PARD3B: variants seen among roughly 807,000 people sequenced by gnomAD.
The protein encoded by PARD3B is partitioning defective 3 homolog B.
PARD3B carries 103 observed loss-of-function variants against 130.2 expected under a neutral mutation model. That is an observed-to-expected ratio of 0.79 (90% CI 0.67 to 0.93). The LOEUF (loss-of-function observed/expected upper bound fraction) is 0.93. PARD3B is among the 40% of genes least tolerant of loss of function. The probability of loss-of-function intolerance (pLI) is 0.00; values close to 1 mark genes in which losing one functional copy is unlikely to be tolerated. For synonymous variants in PARD3B, 583 were observed against 553.2 expected, an observed-to-expected ratio of 1.05 and a Z score of -0.76; for missense variants, 1,609 against 1,499.2, an observed-to-expected ratio of 1.07 and a Z score of -1.21.
At chr2:205,419,156 G>A in intron 19 of PARD3B, among the ~76,000 whole-genome samples, 1 of 152,056 alleles carries the variant, frequency 6.6e-6, no homozygotes, top group Non-Finnish European at 1.5e-5. Context: ...GTCATGGGAG[G>A]GACCCAGTGG....
chr2:205,486,055 G>A (rs989806478), intron 20 of PARD3B, among the ~76,000 whole-genome samples: 10 of 152,200 alleles, frequency 6.6e-5, no homozygotes, highest in African/African-American at 2.2e-4. Context: ...TAAGGCCACA[G>A]CAATATTTAT....
chr2:205,389,588 C>T (rs1322096577), intron 18 of PARD3B, among the ~76,000 whole-genome samples: 1 of 152,178 alleles, frequency 6.6e-6, no homozygotes, highest in Non-Finnish European at 1.5e-5. Flanking sequence ...GTCTTGAACT[C>T]CCGCCTCGGC....
At chr2:204,922,954 A>G (rs902468943) in intron 2 of PARD3B, among the ~76,000 whole-genome samples, 9 of 152,112 alleles carry the variant, frequency 5.9e-5, no homozygotes, top group African/African-American at 1.9e-4. Context: ...TTCCAAAACT[A>G]TGGTGCATAT....
At chr2:205,199,453 CTG>C (rs963469796) in intron 15 of PARD3B, among the ~76,000 whole-genome samples, 10 of 151,882 alleles carry the variant, frequency 6.6e-5, no homozygotes, top group East Asian at 5.8e-4. Context: ...TACATTTTTA[CTG>C]TGTGTGTATA....
chr2:205,147,131 G>T (rs575199343), intron 10 of PARD3B, among the ~76,000 whole-genome samples: 3 of 152,084 alleles, frequency 2.0e-5, no homozygotes, highest in African/African-American at 7.2e-5. Context: ...AAAACAAAAC[G>T]TCCTATTGTT....
intron 20 of PARD3B, among the ~76,000 whole-genome samples, chr2:205,462,946 G>A (rs1386237711): frequency 6.6e-6 from 1 of 152,082 alleles, no homozygotes; most frequent in Non-Finnish European, 1.5e-5. Flanking sequence ...GAACAATTCT[G>A]TACCCAGTTT....
chr2:205,221,544 T>C (rs2038238291), intron 15 of PARD3B, among the ~76,000 whole-genome samples: 1 of 152,268 alleles, frequency 6.6e-6, no homozygotes, highest in Non-Finnish European at 1.5e-5. Context: ...GGGTGCTCCA[T>C]GCTGTTTATG....
At chr2:205,167,748 C>T (rs1231139084) in intron 11 of PARD3B, among the ~76,000 whole-genome samples, 1 of 152,152 alleles carries the variant, frequency 6.6e-6, no homozygotes, top group African/African-American at 2.4e-5. Context: ...ATGTCATTAA[C>T]CTGAGAGATG....
intron 2 of PARD3B, among the ~76,000 whole-genome samples, chr2:204,904,345 C>T (rs186256123): frequency 3.2e-4 from 42 of 131,296 alleles, no homozygotes; most frequent in Non-Finnish European, 5.2e-4. Flanking sequence ...TGGCCACAGA[C>T]GTACCTTGTG....
At chr2:205,043,218 A>G (rs1231182275) in intron 3 of PARD3B, among the ~76,000 whole-genome samples, 1 of 152,098 alleles carries the variant, frequency 6.6e-6, no homozygotes, top group Admixed American at 6.6e-5. Context: ...AAATTATTCC[A>G]TGAAAATTAA....
At chr2:204,855,484 G>A (rs2044889944) in intron 2 of PARD3B, among the ~76,000 whole-genome samples, 1 of 151,488 alleles carries the variant, frequency 6.6e-6, no homozygotes, top group Non-Finnish European at 1.5e-5. Flanking sequence ...AGAGGTTGCA[G>A]TGAACCGAGA....
chr2:204,762,590 C>G (rs1000643244), intron 2 of PARD3B, among the ~76,000 whole-genome samples: 1 of 152,166 alleles, frequency 6.6e-6, no homozygotes, highest in African/African-American at 2.4e-5. Flanking sequence ...TTAAAGGTGT[C>G]AATTAAACAG....
intron 2 of PARD3B, among the ~76,000 whole-genome samples, chr2:204,803,823 A>G (rs1445334164): frequency 6.6e-6 from 1 of 152,198 alleles, no homozygotes; most frequent in East Asian, 1.9e-4. Flanking sequence ...CCAGAAAACA[A>G]ATAACAAAAT....
chr2:205,471,509 G>A (rs1575104482), intron 20 of PARD3B, among the ~76,000 whole-genome samples: 2 of 151,790 alleles, frequency 1.3e-5, no homozygotes, highest in Admixed American at 1.3e-4. Context: ...TTACAGGCAT[G>A]CGCCACCACG....
At chr2:204,908,636 C>T (rs1008014847) in intron 2 of PARD3B, among the ~76,000 whole-genome samples, 19 of 152,074 alleles carry the variant, frequency 1.2e-4, no homozygotes, top group African/African-American at 3.1e-4. Context: ...AATGGAGCGT[C>T]GAAATGGAAA....
intron 10 of PARD3B, among the ~76,000 whole-genome samples, chr2:205,149,890 G>A (rs751323036): frequency 3.9e-5 from 6 of 152,176 alleles, no homozygotes; most frequent in Non-Finnish European, 5.9e-5. Flanking sequence ...TACTGCTAAC[G>A]TCTGGTGGGT....
At chr2:204,563,145 C>T (rs902328783) in intron 1 of PARD3B, among the ~76,000 whole-genome samples, 1 of 151,894 alleles carries the variant, frequency 6.6e-6, no homozygotes, top group Admixed American at 6.6e-5. Context: ...CTTCTGGCAG[C>T]CCAGGGCATT....
At chr2:205,289,955 C>A (rs539744029) in intron 16 of PARD3B, among the ~76,000 whole-genome samples, 26 of 152,266 alleles carry the variant, frequency 1.7e-4, no homozygotes, top group African/African-American at 5.3e-4. Flanking sequence ...AAATCAATTT[C>A]TTTTCTTTAT....
chr2:205,055,393 C>G (rs901827634), intron 4 of PARD3B, among the ~76,000 whole-genome samples: 1 of 152,020 alleles, frequency 6.6e-6, no homozygotes, highest in Admixed American at 6.6e-5. Flanking sequence ...AAAGAAAGAA[C>G]ATTTACGACG....
Sources: allele counts gnomAD v4.1 joint callset (sites outside exome capture counted in the v4.1 genomes callset), GRCh38; gene constraint gnomAD v4.1.1; transcripts MANE v1.5; gene names NCBI Gene and HGNC (gene_info 2026-07-23, HGNC 2026-07-21).